The following ACOX3 variants were observed in gnomAD, a reference collection of about 807,000 sequenced individuals.
The protein encoded by ACOX3 is peroxisomal acyl-coenzyme A oxidase 3.
In ACOX3, 73 loss-of-function variants were observed where a neutral mutation model predicts 81.5. That is an observed-to-expected ratio of 0.90 (90% CI 0.74 to 1.09). ACOX3 has a LOEUF of 1.09. Ranked by LOEUF, ACOX3 falls within the 50% of genes least tolerant of loss-of-function variation. ACOX3 has a pLI of 0.00. For missense variants in ACOX3, 947 were observed against 928.0 expected, an observed-to-expected ratio of 1.02 and a Z score of -0.27; for synonymous variants, 387 against 375.1, an observed-to-expected ratio of 1.03 and a Z score of -0.37.
At position 8,407,168 on chromosome 4, in the gene ACOX3, T is replaced by C. The variant is rs1721084693; in HGVS notation, c.688-1125A>G. ...TGTCTTCTGGTCACTCCTCACTATG[T>C]CCCCTCAGCTCCTATCTCTGTATGG... is the stretch of plus-strand genomic sequence containing the variant. On this transcript the variant is annotated intron_variant, in intron 6 of 17. Transcript: ENST00000356406. The surrounding 1 kb of genome is among the most constrained non-coding windows in gnomAD (Gnocchi z 4.6). 6.6e-6 allele frequency among the ~76,000 whole-genome samples: 1 copy of C among 152,190 alleles called. No homozygotes were observed. Among genetic ancestry groups the C allele is most frequent in the Non-Finnish European group, 1.5e-5 (1 of 68,024 alleles).
intron 1 of ACOX3, among the ~76,000 whole-genome samples, chr4:8,436,852 C>T (rs1215524176): frequency 6.1e-5 from 9 of 148,410 alleles, no homozygotes; most frequent in Admixed American, 5.4e-4. Flanking sequence ...ATTAGCTGGG[C>T]GTGGTGGCGG....
rs1007712599 is a variant in ACOX3, at chr4:8,407,728, T to C, written c.688-1685A>G. 1.3e-5 allele frequency among the ~76,000 whole-genome samples: 2 copies of C among 152,190 alleles called. No individual in the cohort carries two copies. Among genetic ancestry groups the C allele is most frequent in the Admixed American group, 1.3e-4 (2 of 15,290 alleles). ...TAGTGGGAGAAACGGCTATGAATAT[T>C]CTGGTCAATCACCGCTCCCCAAGAT... On this transcript the variant is annotated intron_variant, in intron 6 of 17. Coordinates refer to ENST00000356406, the MANE Select transcript of ACOX3 (RefSeq NM_003501.3). This position sits in a 1 kb window ranked among gnomAD's most constrained non-coding sequence, Gnocchi z 4.6.
chr4:8,435,377 T>C (rs574319429), intron 1 of ACOX3, among the ~76,000 whole-genome samples: 1 of 152,094 alleles, frequency 6.6e-6, no homozygotes, highest in South Asian at 2.1e-4. Context: ...GCACCTGTAG[T>C]CCCAGCTACT....
At chr4:8,374,776 G>A (rs1716706712) in intron 15 of ACOX3, 1 of 511,718 alleles carries the variant, frequency 2.0e-6, no homozygotes. Flanking sequence ...AGAAAAATTG[G>A]GTTTCTCGGC....
chr4:8,365,422 C>T (rs530631723), downstream of ACOX3, among the ~76,000 whole-genome samples: 14 of 152,334 alleles, frequency 9.2e-5, no homozygotes, highest in South Asian at 2.9e-3. Context: ...GGGGATGCTC[C>T]TGGGTTCGAG....
Position 8,381,676 on chromosome 4 carries a change from C to CA in ACOX3, c.1538-70dup. On this transcript the variant is annotated intron_variant, in intron 13 of 17. Transcript: ENST00000356406. The surrounding 1 kb of genome is among the most constrained non-coding windows in gnomAD (Gnocchi z 4.3). ...CACAGCATTTGTCACAACTCACCCCCAGGGACAAGGCACTGCCAGCATCCT... is the reference window on the plus strand; with the variant it reads ...CACAGCATTTGTCACAACTCACCCCCAAGGGACAAGGCACTGCCAGCATCCT... The CA allele has an allele frequency of 8.1e-7, 1 of 1,228,678 alleles. No homozygotes were observed. Among genetic ancestry groups the CA allele is most frequent in the Non-Finnish European group, 1.2e-6 (1 of 848,076 alleles). The allele number at this position is 1,228,678 out of a possible 1,614,324, so 76.1% of individuals were successfully genotyped here.
chr4:8,363,750 G>A (rs927723940), downstream of ACOX3, among the ~76,000 whole-genome samples: 3 of 152,156 alleles, frequency 2.0e-5, no homozygotes, highest in South Asian at 2.1e-4. Flanking sequence ...ATGGGTGGCA[G>A]TAAGGAAGTC....
chr4:8,406,036 T>C lies in ACOX3; in HGVS notation c.695A>G (p.Asp232Gly). The change falls in exon 7 of 18, where the codon GAC becomes GGC. Residue 232 changes from aspartate to glycine, a missense_variant. Transcript: ENST00000356406. The surrounding 1 kb of genome is among the most constrained non-coding windows in gnomAD (Gnocchi z 5.6). ...AGGCATGGGAAGAAGGGTCTTCGGG[T>C]CCCGGATCTATACAAAGCCACAGAA... ...GLHPFIVQIR[D>G]PKTLLPMPGV... The C allele has an allele frequency of 6.2e-7, 1 of 1,614,004 alleles. No homozygotes were observed. The highest frequency in any genetic ancestry group is 8.5e-7 in the Non-Finnish European group (1 of 1,180,008).
At chr4:8,388,811 A>G (rs888145048) in intron 13 of ACOX3, among the ~76,000 whole-genome samples, 3 of 152,140 alleles carry the variant, frequency 2.0e-5, no homozygotes, top group African/African-American at 7.2e-5. Flanking sequence ...GGTGGCTGGG[A>G]GGGCCCAGGG....
chr4:8,439,242 T>C (rs1440655707), intron 1 of ACOX3: 1 of 152,192 alleles, frequency 6.6e-6, no homozygotes, highest in South Asian at 2.1e-4. Context: ...GTCCCCATTG[T>C]ACACATACTA....
chr4:8,383,542 C>T (rs946610362), intron 13 of ACOX3, among the ~76,000 whole-genome samples: 2 of 152,198 alleles, frequency 1.3e-5, no homozygotes, highest in Admixed American at 6.5e-5. Context: ...CCTGGAGCTG[C>T]CAGGAGCCTG....
chr4:8,374,527 C>T (rs529674279), intron 15 of ACOX3: 10 of 158,506 alleles, frequency 6.3e-5, no homozygotes, highest in South Asian at 6.1e-4. Context: ...GGGGCAAAGA[C>T]GAACAAAAAG....
At position 8,370,908 on chromosome 4, in the gene ACOX3, C is replaced by T; in HGVS notation, c.1983G>A (p.Glu661=). The part of the protein sequence containing the change: ...LDSPIGRADG[E]LYKNLWGAVL... ...CCGTGAGGCCCTGTCCTCCCTTTACCTCGCCGTCGGCTCTGCCAATCGGTG... is the reference window on the plus strand; with the variant it reads ...CCGTGAGGCCCTGTCCTCCCTTTACTTCGCCGTCGGCTCTGCCAATCGGTG... The change falls in exon 17 of 18, where the codon GAG becomes GAA. Residue 661 remains glutamate (E), a splice_region_variant and synonymous_variant. Coordinates refer to ENST00000356406, the MANE Select transcript of ACOX3 (RefSeq NM_003501.3). The surrounding 1 kb of genome is among the most constrained non-coding windows in gnomAD (Gnocchi z 6.3). The T allele has an allele frequency of 6.2e-7, 1 of 1,613,660 alleles. No individual in the cohort carries two copies. The highest frequency in any genetic ancestry group is 8.5e-7 in the Non-Finnish European group (1 of 1,179,936).
intron 13 of ACOX3, among the ~76,000 whole-genome samples, chr4:8,387,148 T>C (rs2108846275): frequency 1.3e-5 from 2 of 152,380 alleles, no homozygotes; most frequent in Non-Finnish European, 2.9e-5. Flanking sequence ...CCAAACTCTG[T>C]GGCTGCTGAG....
rs560276829 is a variant in ACOX3 at position 8,366,386 on chromosome 4, C to G, written c.*575G>C. 7.9e-5 allele frequency: 12 copies of G among 152,468 alleles called. No individual in the cohort carries two copies. In the East Asian group the frequency reaches 1.7e-3, roughly 22 times the overall value. The allele number at this position is 152,468 out of a possible 1,614,324, so 9.4% of individuals were successfully genotyped here. A position where few individuals can be genotyped will look rare whatever the true frequency, so the allele number is the denominator to read the frequency against. On this transcript the variant is annotated 3_prime_UTR_variant, in exon 18 of 18. Coordinates refer to ENST00000356406, the MANE Select transcript of ACOX3 (RefSeq NM_003501.3). ...TAGACTTTTTAAAAAAACATTTCCT[C>G]GATGGAAATTTCCAGTTCCACAAAA...
intron 1 of ACOX3, among the ~76,000 whole-genome samples, chr4:8,427,672 G>T (rs1045431388): frequency 1.3e-5 from 2 of 152,178 alleles, no homozygotes; most frequent in African/African-American, 4.8e-5. Context: ...TCCATTCCTT[G>T]GAATCCATGA....
At chr4:8,401,587 T>A (rs943048269) in intron 7 of ACOX3, among the ~76,000 whole-genome samples, 1 of 152,162 alleles carries the variant, frequency 6.6e-6, no homozygotes, top group Non-Finnish European at 1.5e-5. Flanking sequence ...CTTCAGCCCA[T>A]CCTCCCTGTG....
the ACOX3 span, chr4:8,356,123 C>A: frequency 4.3e-6 from 1 of 230,506 alleles, no homozygotes; most frequent in Non-Finnish European, 8.7e-6. Flanking sequence ...TGTCTGCAGG[C>A]CGGGCTTTGT....
chr4:8,395,502 C>G (rs1719595780), intron 9 of ACOX3, among the ~76,000 whole-genome samples: 1 of 152,232 alleles, frequency 6.6e-6, no homozygotes, highest in Admixed American at 6.5e-5. Context: ...GTCAAGAGTG[C>G]TGAGCAGACA....
Sources: gnomAD v4.1 joint callset for allele counts (sites outside exome capture counted in the v4.1 genomes callset) on GRCh38, gnomAD v4.1.1 for gene constraint, Gnocchi (gnomAD v3.1) non-coding constraint, MANE v1.5 for transcripts, NCBI Gene and HGNC (gene_info 2026-07-23, HGNC 2026-07-21) for gene names.